PDE4B: variants seen among roughly 807,000 people sequenced by gnomAD.
PDE4B encodes the protein 3',5'-cyclic-AMP phosphodiesterase 4B.
A neutral mutation model predicts 82.2 loss-of-function variants in PDE4B; 20 were observed. The observed-to-expected ratio is 0.24, with a 90% CI of 0.17 to 0.35. PDE4B has a LOEUF of 0.35. Ranked by LOEUF, PDE4B falls within the 10% of genes least tolerant of loss-of-function variation. The pLI, the probability that PDE4B is intolerant of heterozygous loss-of-function variation, is 1.00. For synonymous variants in PDE4B, 320 were observed against 318.9 expected, an observed-to-expected ratio of 1.00 and a Z score of -0.04; for missense variants, 655 against 907.2, an observed-to-expected ratio of 0.72 and a Z score of 3.57.
At chr1:66,268,136 G>C (rs1655187098) in intron 7 of PDE4B, among the ~76,000 whole-genome samples, 1 of 152,156 alleles carries the variant, frequency 6.6e-6, no homozygotes, top group South Asian at 2.1e-4. Flanking sequence ...CAACAACCTA[G>C]TTTGCTCAGA....
At chr1:66,365,836 T>G in intron 13 of PDE4B, 70 bp downstream of exon 13, 2 of 835,664 alleles carry the variant, frequency 2.4e-6, no homozygotes. Context: ...TTCCTCCTAA[T>G]GTTTTCATTA....
chr1:66,175,079 A>G (rs890624458), intron 3 of PDE4B, among the ~76,000 whole-genome samples: 4 of 152,180 alleles, frequency 2.6e-5, no homozygotes, highest in Non-Finnish European at 4.4e-5. Context: ...CCCTCAACAC[A>G]TAAGAATTAC....
intron 3 of PDE4B, among the ~76,000 whole-genome samples, chr1:66,053,921 T>C (rs1267972630): frequency 6.6e-6 from 1 of 152,110 alleles, no homozygotes. Context: ...TGACCAACTA[T>C]CCTGGTTTGC....
chr1:66,307,839 G>A (rs979171752), intron 7 of PDE4B, among the ~76,000 whole-genome samples: 1 of 152,062 alleles, frequency 6.6e-6, no homozygotes, highest in Non-Finnish European at 1.5e-5. Flanking sequence ...ATTAATGTTA[G>A]GTAAAGAGTC....
chr1:65,974,195 T>A (rs990823229), intron 3 of PDE4B, among the ~76,000 whole-genome samples: 4 of 152,180 alleles, frequency 2.6e-5, no homozygotes, highest in African/African-American at 9.6e-5. Flanking sequence ...GATTTCCTCC[T>A]TACATGTGGC....
At chr1:66,209,767 G>T (rs1649873477) in intron 3 of PDE4B, among the ~76,000 whole-genome samples, 1 of 152,074 alleles carries the variant, frequency 6.6e-6, no homozygotes, top group African/African-American at 2.4e-5. Context: ...CATATAAAAG[G>T]AATAGTACAG....
intron 3 of PDE4B, among the ~76,000 whole-genome samples, chr1:66,156,395 T>C (rs1196930112): frequency 3.3e-5 from 5 of 152,176 alleles, no homozygotes; most frequent in Non-Finnish European, 5.9e-5. Context: ...GAGACATTGT[T>C]GAGAAAGGTT....
intron 1 of PDE4B, among the ~76,000 whole-genome samples, chr1:65,871,293 GTA>G (rs148094397): frequency 0.63 from 95,981 of 151,752 alleles, 31,056 homozygotes; most frequent in African/African-American, 0.76. Flanking sequence ...GAGTTAAGAT[GTA>G]AACTTTTCCC....
chr1:66,188,333 T>C (rs1057064255), intron 3 of PDE4B, among the ~76,000 whole-genome samples: 1 of 150,944 alleles, frequency 6.6e-6, no homozygotes, highest in African/African-American at 2.4e-5. Flanking sequence ...TGGAGAGTTC[T>C]GTAGATAGCT....
intron 3 of PDE4B, among the ~76,000 whole-genome samples, chr1:66,205,935 C>T: frequency 6.6e-6 from 1 of 152,202 alleles, no homozygotes. Flanking sequence ...TCCTGCCCCT[C>T]CCCTTGCCAG....
chr1:66,052,007 G>GGTT (rs34910687), intron 3 of PDE4B, among the ~76,000 whole-genome samples: 2 of 4,294 alleles, frequency 4.7e-4, no homozygotes, highest in African/African-American at 1.4e-3. Context: ...GGTTTACCAA[G>GGTT]GTGGTGGGGC....
At chr1:66,089,818 T>C (rs972282807) in intron 3 of PDE4B, among the ~76,000 whole-genome samples, 1 of 152,098 alleles carries the variant, frequency 6.6e-6, no homozygotes, top group Non-Finnish European at 1.5e-5. Context: ...CACAGGATAA[T>C]TCTACATCAA....
intron 1 of PDE4B, among the ~76,000 whole-genome samples, chr1:65,854,266 A>C (rs1463415397): frequency 2.0e-5 from 3 of 151,378 alleles, no homozygotes; most frequent in Non-Finnish European, 1.5e-5. Context: ...TTAAATAGTA[A>C]ATTTTGTTTT....
At chr1:66,163,548 A>C (rs760064023) in intron 3 of PDE4B, among the ~76,000 whole-genome samples, 1 of 152,112 alleles carries the variant, frequency 6.6e-6, no homozygotes, top group African/African-American at 2.4e-5. Flanking sequence ...CTTATTTTTC[A>C]TATTAAAGAA....
intron 3 of PDE4B, among the ~76,000 whole-genome samples, chr1:65,953,489 G>A (rs558641787): frequency 6.6e-6 from 1 of 152,164 alleles, no homozygotes; most frequent in African/African-American, 2.4e-5. Flanking sequence ...ATGTAACAAA[G>A]GAAGCCAAAA....
intron 3 of PDE4B, among the ~76,000 whole-genome samples, chr1:65,946,258 A>T (rs1273921028): frequency 6.6e-6 from 1 of 151,980 alleles, no homozygotes. Flanking sequence ...CCCTGGGCAC[A>T]TCCTATCCAT....
intron 2 of PDE4B, 83 bp downstream of exon 2, chr1:65,913,439 G>A (rs1647120019): frequency 1.5e-6 from 2 of 1,318,172 alleles, no homozygotes; most frequent in Non-Finnish European, 2.2e-6. Flanking sequence ...GCAGCTGGGG[G>A]CATTTAACAC....
rs563391307 is a variant in PDE4B at position 65,841,702 on chromosome 1, C to T, written c.-71+48454C>T. Among the ~76,000 whole-genome samples, 20 of 152,178 alleles carry T rather than the reference C, an allele frequency of 1.3e-4. 1 individual carries two copies. The highest frequency in any genetic ancestry group is 4.8e-4 in the African/African-American group (20 of 41,522). ...ATAGATTCTAAATAAGCCTATATTG[C>T]CATCTCTCTGGTCTAAATTATCTCT... is the stretch of plus-strand genomic sequence containing the variant. On this transcript the variant is annotated intron_variant, in intron 1 of 16. Transcript: ENST00000341517.
intron 3 of PDE4B, among the ~76,000 whole-genome samples, chr1:65,924,733 A>G (rs887025509): frequency 6.6e-6 from 1 of 152,204 alleles, no homozygotes; most frequent in Non-Finnish European, 1.5e-5. Context: ...CCTGATCAAC[A>G]TGGTTGTTGA....
Sources: gnomAD v4.1 joint callset for allele counts (sites outside exome capture counted in the v4.1 genomes callset) on GRCh38, gnomAD v4.1.1 for gene constraint, MANE v1.5 for transcripts, NCBI Gene and HGNC (gene_info 2026-07-23, HGNC 2026-07-21) for gene names.